The following NKAIN2 variants were observed in gnomAD, a reference collection of about 807,000 sequenced individuals.
NKAIN2 encodes the protein sodium/potassium-transporting ATPase subunit beta-1-interacting protein 2.
In NKAIN2, 14 loss-of-function variants were observed where a neutral mutation model predicts 32.6. That is an observed-to-expected ratio of 0.43 (90% CI 0.28 to 0.67). The LOEUF (loss-of-function observed/expected upper bound fraction) is 0.67, where lower values mean the gene tolerates loss of function less well. Among genes scored for constraint, NKAIN2 ranks in the 30% least tolerant of loss-of-function variants. The pLI is 0.17. For synonymous variants in NKAIN2, 80 were observed against 87.2 expected (o/e 0.92, Z 0.46); for missense variants, 198 against 258.3 (o/e 0.77, Z 1.60).
chr6:124,512,819 T>G (rs986769765), intron 3 of NKAIN2, among the ~76,000 whole-genome samples: 5 of 152,198 alleles, frequency 3.3e-5, no homozygotes, highest in African/African-American at 1.2e-4. Flanking sequence ...TTTTCTGGGT[T>G]TGTATATTGT....
intron 1 of NKAIN2, among the ~76,000 whole-genome samples, chr6:123,913,239 TA>T (rs1181294815): frequency 2.0e-5 from 3 of 152,008 alleles, no homozygotes; most frequent in Non-Finnish European, 2.9e-5. Context: ...TAGATTAAAA[TA>T]AAAAAAGTGA....
At chr6:124,329,066 A>G (rs1171774473) in intron 2 of NKAIN2, among the ~76,000 whole-genome samples, 1 of 152,208 alleles carries the variant, frequency 6.6e-6, no homozygotes, top group East Asian at 1.9e-4. Context: ...GAGAAAACTG[A>G]CACATATTGT....
intron 1 of NKAIN2, among the ~76,000 whole-genome samples, chr6:124,028,835 A>ACG (rs1781253796): frequency 7.2e-6 from 1 of 138,126 alleles, no homozygotes; most frequent in African/African-American, 2.9e-5. Context: ...ATATATACAT[A>ACG]TATATGTATA....
chr6:123,917,931 T>C (rs1352134003), intron 1 of NKAIN2, among the ~76,000 whole-genome samples: 1 of 152,130 alleles, frequency 6.6e-6, no homozygotes, highest in Non-Finnish European at 1.5e-5. Flanking sequence ...TTTTAGGAAT[T>C]TTTGTAAGCT....
intron 1 of NKAIN2, among the ~76,000 whole-genome samples, chr6:123,879,328 TA>T: frequency 6.6e-6 from 1 of 152,344 alleles, no homozygotes; most frequent in African/African-American, 2.4e-5. Context: ...TAGGTAAATC[TA>T]AAGGATATAG....
chr6:124,473,017 CAACCAGACAGG>C, intron 3 of NKAIN2, among the ~76,000 whole-genome samples: 1 of 152,214 alleles, frequency 6.6e-6, no homozygotes, highest in African/African-American at 2.4e-5. Flanking sequence ...ATTATACATC[CAACCAGACAGG>C]TTCTGCAGAA....
At position 123,803,899 on chromosome 6, in the gene NKAIN2, C is replaced by T. The variant is rs561185879; in HGVS notation, c.-302C>T. ...AGGGCGCGGCGGCGCTGCCAGGCTG[C>T]CGCTGCTGCCCCTGCGGGCCCCGAG... On this transcript the variant is annotated 5_prime_UTR_variant, in exon 1 of 7. Coordinates refer to ENST00000368417, the MANE Select transcript of NKAIN2 (RefSeq NM_001040214.3). Among the ~76,000 whole-genome samples the T allele has an allele frequency of 5.0e-4, 74 of 148,376 alleles. No homozygotes were observed. In the Middle Eastern group the frequency reaches 0.01, roughly 21 times the overall value.
At chr6:124,563,434 T>G (rs1286886464) in intron 3 of NKAIN2, among the ~76,000 whole-genome samples, 1 of 152,242 alleles carries the variant, frequency 6.6e-6, no homozygotes, top group Non-Finnish European at 1.5e-5. Flanking sequence ...TGTCCGCTGC[T>G]ACTGTCAGTT....
At chr6:124,341,116 A>G (rs1478296364) in intron 2 of NKAIN2, among the ~76,000 whole-genome samples, 1 of 152,172 alleles carries the variant, frequency 6.6e-6, no homozygotes, top group Non-Finnish European at 1.5e-5. Context: ...AAATATTTTC[A>G]GGCATGATTT....
chr6:124,329,353 G>C (rs148590786), intron 2 of NKAIN2, among the ~76,000 whole-genome samples: 117 of 152,276 alleles, frequency 7.7e-4, no homozygotes, highest in African/African-American at 2.7e-3. Flanking sequence ...CTTCTGCCAG[G>C]AGAGTGACTT....
At chr6:124,730,944 A>G (rs1776634304) in intron 4 of NKAIN2, among the ~76,000 whole-genome samples, 1 of 130,720 alleles carries the variant, frequency 7.6e-6, no homozygotes, top group Non-Finnish European at 1.6e-5. Context: ...TATGCAGCCA[A>G]AAAACACATG....
At chr6:124,037,903 G>A (rs2114802109) in intron 1 of NKAIN2, among the ~76,000 whole-genome samples, 1 of 152,284 alleles carries the variant, frequency 6.6e-6, no homozygotes, top group Middle Eastern at 3.4e-3. Context: ...GAAAGCCTAT[G>A]TTCAACAAGT....
At chr6:124,062,415 GT>G (rs1782957121) in intron 1 of NKAIN2, among the ~76,000 whole-genome samples, 1 of 152,052 alleles carries the variant, frequency 6.6e-6, no homozygotes, top group Non-Finnish European at 1.5e-5. Context: ...GCTGATTTCA[GT>G]TTTTGTTGTT....
intron 4 of NKAIN2, among the ~76,000 whole-genome samples, chr6:124,776,585 C>T (rs1778993000): frequency 6.6e-6 from 1 of 152,162 alleles, no homozygotes; most frequent in Non-Finnish European, 1.5e-5. Context: ...CCTTGCCTTA[C>T]AAATAGCTAA....
At chr6:124,026,321 A>G (rs1381290039) in intron 1 of NKAIN2, among the ~76,000 whole-genome samples, 1 of 152,198 alleles carries the variant, frequency 6.6e-6, no homozygotes, top group African/African-American at 2.4e-5. Flanking sequence ...TACAGTATTC[A>G]TATTCATATT....
At chr6:124,563,326 G>T (rs895229790) in intron 3 of NKAIN2, among the ~76,000 whole-genome samples, 16 of 152,150 alleles carry the variant, frequency 1.1e-4, no homozygotes, top group African/African-American at 3.4e-4. Context: ...ATTTTGATTA[G>T]TTGTAAACTG....
At chr6:124,312,276 G>A (rs1796751302) in intron 2 of NKAIN2, among the ~76,000 whole-genome samples, 1 of 152,114 alleles carries the variant, frequency 6.6e-6, no homozygotes, top group Non-Finnish European at 1.5e-5. Flanking sequence ...CTATTCTGCT[G>A]CAGACACCAG....
chr6:124,717,571 A>G (rs1263199664), intron 4 of NKAIN2, among the ~76,000 whole-genome samples: 6 of 152,216 alleles, frequency 3.9e-5, no homozygotes, highest in Non-Finnish European at 4.4e-5. Context: ...TAAAAGTTTT[A>G]AAAATAATTC....
At chr6:124,316,504 G>T (rs145920864) in intron 2 of NKAIN2, among the ~76,000 whole-genome samples, 14 of 152,180 alleles carry the variant, frequency 9.2e-5, no homozygotes, top group African/African-American at 2.9e-4. Context: ...CCTAGTCACA[G>T]TTTATACACT....
Sources: allele counts gnomAD v4.1 joint callset (sites outside exome capture counted in the v4.1 genomes callset), GRCh38; gene constraint gnomAD v4.1.1; transcripts MANE v1.5; gene names NCBI Gene and HGNC (gene_info 2026-07-23, HGNC 2026-07-21).